The following BDH2 variants were observed in gnomAD, a reference collection of about 807,000 sequenced individuals.
BDH2 encodes the protein dehydrogenase/reductase SDR family member 6.
BDH2 carries 24 observed loss-of-function variants against 33.2 expected under a neutral mutation model. That is an observed-to-expected ratio of 0.72 (90% CI 0.52 to 1.02). The LOEUF is 1.02. Among genes scored for constraint, BDH2 ranks in the 50% least tolerant of loss-of-function variants. BDH2 has a pLI of 0.00. For missense variants in BDH2, 249 were observed against 301.6 expected (o/e 0.83, Z 1.29); for synonymous variants, 81 against 101.6 (o/e 0.80, Z 1.22).
chr4:103,095,596 C>T (rs537654565), intron 2 of BDH2, among the ~76,000 whole-genome samples: 1 of 152,226 alleles, frequency 6.6e-6, no homozygotes, highest in East Asian at 1.9e-4. Context: ...TGTAATGAGA[C>T]TATATATCAT....
At chr4:103,088,356 C>T (rs190154112) in intron 5 of BDH2, among the ~76,000 whole-genome samples, 67 of 152,320 alleles carry the variant, frequency 4.4e-4, no homozygotes, top group African/African-American at 1.6e-3. Flanking sequence ...CTCTAGTCCT[C>T]TCTAGAAATG....
Position 103,096,239 on chromosome 4 carries a change from C to T in BDH2, c.16G>A (p.Gly6Arg), listed in dbSNP as rs1748398379. The T allele has an allele frequency of 1.2e-6, 2 of 1,613,700 alleles. No homozygotes were observed. Among genetic ancestry groups the T allele is most frequent in the East Asian group, 2.2e-5 (1 of 44,898 alleles). The part of the protein sequence containing the change: MGRLD[G>R]KVIILTAAAQ... ...GCGGCCGTCAGGATGATGACTTTCC[C>T]ATCAAGTCGACCCATAATGGAACCT... Residue 6 changes from glycine to arginine, a missense_variant, in exon 2 of 10, where the codon GGG becomes AGG. Physicochemically the swap from Gly to Arg is moderately radical, Grantham distance 125. Coordinates refer to ENST00000296424, the MANE Select transcript of BDH2 (RefSeq NM_020139.4).
intron 5 of BDH2, among the ~76,000 whole-genome samples, chr4:103,088,071 G>A (rs1346932297): frequency 6.6e-6 from 1 of 152,126 alleles, no homozygotes; most frequent in Non-Finnish European, 1.5e-5. Flanking sequence ...TACAAGGAGA[G>A]GCTGACTGTA....
chr4:103,095,754 A>T (rs1390551963), intron 2 of BDH2, among the ~76,000 whole-genome samples: 4 of 152,226 alleles, frequency 2.6e-5, no homozygotes, highest in African/African-American at 9.6e-5. Flanking sequence ...TAAGGTGCCG[A>T]TATTAGCTTA....
Position 103,096,209 on chromosome 4 carries a change from G to A in BDH2, c.46C>T (p.Gln16Ter). 6 of 1,613,792 alleles carry A rather than the reference G, an allele frequency of 3.7e-6. No individual in the cohort carries two copies. Among genetic ancestry groups the A allele is most frequent in the Non-Finnish European group, 5.1e-6 (6 of 1,179,734 alleles). Residue 16 changes from glutamine (Q) to a stop codon, truncating the protein, a stop_gained, in exon 2 of 10, where the codon CAG becomes TAG. Transcript: ENST00000296424. LOFTEE classifies it high-confidence loss of function. ...AAGGCAGCTGCTTGGCCAATCCCCT[G>A]AGCAGCGGCCGTCAGGATGATGACT... ...GKVIILTAAA[Q>*]GIGQAAALAF...
intron 6 of BDH2, chr4:103,086,182 T>C: frequency 8.6e-7 from 1 of 1,167,696 alleles, no homozygotes; most frequent in Admixed American, 4.3e-5. Context: ...ATACACTATT[T>C]TAAATTAATT....
chr4:103,082,801 G>A, intron 8 of BDH2, 70 bp downstream of exon 8: 1 of 1,328,018 alleles, frequency 7.5e-7, no homozygotes, highest in Non-Finnish European at 1.1e-6. Context: ...CTATGAATTT[G>A]TCTGCTATAG....
chr4:103,090,306 G>C (rs1578506170), intron 5 of BDH2, among the ~76,000 whole-genome samples: 2 of 152,280 alleles, frequency 1.3e-5, no homozygotes, highest in South Asian at 2.1e-4. Flanking sequence ...TATACCAAGA[G>C]GTACTTAATG....
chr4:103,082,618 G>A (rs1447140647), intron 8 of BDH2, among the ~76,000 whole-genome samples: 2 of 151,938 alleles, frequency 1.3e-5, no homozygotes, highest in Admixed American at 1.3e-4. Flanking sequence ...GCAGTGTTGT[G>A]ATCATAGCTC....
chr4:103,093,769 T>A (rs1748229829), intron 3 of BDH2, among the ~76,000 whole-genome samples: 1 of 147,812 alleles, frequency 6.8e-6, no homozygotes, highest in South Asian at 2.1e-4. Context: ...TTATATTTTA[T>A]AATTTATAAT....
At chr4:103,080,335 C>T (rs1238281875) in intron 9 of BDH2, among the ~76,000 whole-genome samples, 1 of 152,082 alleles carries the variant, frequency 6.6e-6, no homozygotes, top group Non-Finnish European at 1.5e-5. Context: ...TTTCAGATAT[C>T]CAAATCTTTA....
chr4:103,084,412 T>C (rs1490044620), intron 7 of BDH2, among the ~76,000 whole-genome samples: 1 of 152,216 alleles, frequency 6.6e-6, no homozygotes, highest in Non-Finnish European at 1.5e-5. Flanking sequence ...TCAGACATAC[T>C]CAGTCCTCCT....
At chr4:103,083,112 T>C (rs1319177291) in intron 7 of BDH2, among the ~76,000 whole-genome samples, 183 bp from the exon 8 acceptor site, 1 of 152,250 alleles carries the variant, frequency 6.6e-6, no homozygotes, top group Non-Finnish European at 1.5e-5. Flanking sequence ...ATAACATTTC[T>C]ATGATTTTAA....
intron 3 of BDH2, among the ~76,000 whole-genome samples, chr4:103,093,685 T>C (rs893909914): frequency 2.1e-4 from 31 of 147,314 alleles, no homozygotes; most frequent in African/African-American, 7.6e-4. Context: ...ATATACAATG[T>C]ATTAATATGT....
intron 4 of BDH2, chr4:103,092,367 A>G: frequency 1.9e-6 from 1 of 534,200 alleles, no homozygotes; most frequent in East Asian, 3.3e-5. Flanking sequence ...GCTTTGTATC[A>G]GTACCATCTG....
chr4:103,082,536 C>G (rs1303305191), intron 8 of BDH2, among the ~76,000 whole-genome samples: 1 of 152,096 alleles, frequency 6.6e-6, no homozygotes, highest in Non-Finnish European at 1.5e-5. Flanking sequence ...CTGTCCATCT[C>G]CAGAACTCTT....
At chr4:103,082,214 G>A in intron 8 of BDH2, 41 bp from the exon 9 acceptor site, 1 of 1,529,612 alleles carries the variant, frequency 6.5e-7, no homozygotes, top group Non-Finnish European at 9.1e-7. Context: ...GATGGAAGCA[G>A]CTGTATGTGC....
intron 5 of BDH2, among the ~76,000 whole-genome samples, chr4:103,087,860 C>T (rs916612688): frequency 7.9e-5 from 12 of 152,082 alleles, no homozygotes; most frequent in African/African-American, 2.4e-4. Flanking sequence ...TCTGTTGGGA[C>T]GAGTTTCTTT....
intron 9 of BDH2, among the ~76,000 whole-genome samples, chr4:103,081,447 G>A (rs779784070): frequency 6.6e-6 from 1 of 152,078 alleles, no homozygotes; most frequent in African/African-American, 2.4e-5. Context: ...ACAGGCGCCC[G>A]CCACCACGCT....
Sources: gnomAD v4.1 joint callset for allele counts (sites outside exome capture counted in the v4.1 genomes callset) on GRCh38, gnomAD v4.1.1 for gene constraint, MANE v1.5 for transcripts, NCBI Gene and HGNC (gene_info 2026-07-23, HGNC 2026-07-21) for gene names.